CLVS1: variants seen among roughly 807,000 people sequenced by gnomAD.
CLVS1 encodes clavesin-1.
A neutral mutation model predicts 33.1 loss-of-function variants in CLVS1; 10 were observed. That is an observed-to-expected ratio of 0.30 (90% CI 0.19 to 0.51). The LOEUF is 0.51. CLVS1 is among the 20% of genes least tolerant of loss of function. CLVS1 has a pLI of 0.97. For synonymous variants in CLVS1, 163 were observed against 166.1 expected, an observed-to-expected ratio of 0.98 and a Z score of 0.14; for missense variants, 343 against 433.4, an observed-to-expected ratio of 0.79 and a Z score of 1.85.
chr8:61,408,520 G>T (rs181959779), intron 3 of CLVS1, among the ~76,000 whole-genome samples: 2 of 152,166 alleles, frequency 1.3e-5, no homozygotes, highest in Admixed American at 6.5e-5. Flanking sequence ...AACCCACCAG[G>T]CCAGGGGACT....
intron 2 of CLVS1, among the ~76,000 whole-genome samples, chr8:61,307,937 A>G (rs2931299): frequency 6.6e-6 from 1 of 152,210 alleles, no homozygotes; most frequent in Non-Finnish European, 1.5e-5. Flanking sequence ...GAGAACATGT[A>G]ATATTTGACT....
At chr8:61,198,081 T>C (rs1807653102) in intron 2 of CLVS1, among the ~76,000 whole-genome samples, 1 of 151,272 alleles carries the variant, frequency 6.6e-6, no homozygotes, top group African/African-American at 2.4e-5. Context: ...TGCTATTCTG[T>C]GTGCAGATAG....
upstream of CLVS1, among the ~76,000 whole-genome samples, chr8:61,052,829 C>T (rs1804408888): frequency 6.6e-6 from 1 of 152,162 alleles, no homozygotes; most frequent in African/African-American, 2.4e-5. Flanking sequence ...CTGACAGGTT[C>T]ATTCAGACCG....
chr8:61,173,859 G>A (rs1007355416), intron 2 of CLVS1, among the ~76,000 whole-genome samples: 1 of 152,206 alleles, frequency 6.6e-6, no homozygotes, highest in African/African-American at 2.4e-5. Context: ...TCTGGGGATA[G>A]AACCAACTGA....
chr8:61,210,524 G>A (rs1391734783), intron 2 of CLVS1, among the ~76,000 whole-genome samples: 1 of 152,238 alleles, frequency 6.6e-6, no homozygotes, highest in South Asian at 2.1e-4. Context: ...GGGCCACATG[G>A]CAGGGAACTG....
intron 3 of CLVS1, among the ~76,000 whole-genome samples, chr8:61,380,296 A>G (rs1813818083): frequency 6.6e-6 from 1 of 152,176 alleles, no homozygotes; most frequent in Admixed American, 6.5e-5. Flanking sequence ...AAAAAATGGC[A>G]TGTGCATGGA....
intron 2 of CLVS1, among the ~76,000 whole-genome samples, chr8:61,281,603 C>T (rs568459574): frequency 1.3e-5 from 2 of 152,262 alleles, no homozygotes; most frequent in Non-Finnish European, 2.9e-5. Context: ...TTGTTTAAGT[C>T]AACAAAGGTA....
chr8:61,082,304 C>A, intron 1 of CLVS1, among the ~76,000 whole-genome samples: 1 of 150,516 alleles, frequency 6.6e-6, no homozygotes, highest in East Asian at 1.9e-4. Flanking sequence ...AGTTGTAGGA[C>A]AATTACAAAA....
chr8:61,425,679 A>AT (rs559172972), intron 3 of CLVS1, among the ~76,000 whole-genome samples: 173 of 152,156 alleles, frequency 1.1e-3, no homozygotes, highest in African/African-American at 4.1e-3. Flanking sequence ...TTTGTTTAAT[A>AT]TTTTTTTGTA....
At chr8:61,063,309 G>A (rs1199523893) in intron 1 of CLVS1, among the ~76,000 whole-genome samples, 2 of 148,698 alleles carry the variant, frequency 1.3e-5, no homozygotes, top group Non-Finnish European at 3.0e-5. Flanking sequence ...GAGAGAGAGA[G>A]AACAGTCATT....
intron 2 of CLVS1, among the ~76,000 whole-genome samples, chr8:61,192,321 AT>A (rs917900398): frequency 1.1e-4 from 17 of 152,216 alleles, no homozygotes; most frequent in African/African-American, 4.1e-4. Flanking sequence ...CTGGCTAGAC[AT>A]ATGTAGAAAG....
chr8:61,350,881 C>G (rs575591656), intron 2 of CLVS1, among the ~76,000 whole-genome samples: 2 of 152,130 alleles, frequency 1.3e-5, no homozygotes, highest in Admixed American at 6.6e-5. Flanking sequence ...GATTATATAC[C>G]GCCACTCTGG....
intron 2 of CLVS1, among the ~76,000 whole-genome samples, chr8:61,198,680 C>T (rs752101694): frequency 6.6e-5 from 10 of 152,182 alleles, no homozygotes; most frequent in Non-Finnish European, 1.2e-4. Flanking sequence ...TATCTCATGC[C>T]GGGCCCCAAT....
At chr8:61,166,031 G>GTTTTT (rs71245557) in intron 2 of CLVS1, among the ~76,000 whole-genome samples, 1 of 108,374 alleles carries the variant, frequency 9.2e-6, no homozygotes, top group Non-Finnish European at 1.9e-5. Flanking sequence ...GCATCTAAGC[G>GTTTTT]TTTTTTTTTT....
intron 3 of CLVS1, among the ~76,000 whole-genome samples, chr8:61,408,092 T>C (rs1176354791): frequency 6.6e-6 from 1 of 152,056 alleles, no homozygotes; most frequent in East Asian, 1.9e-4. Flanking sequence ...GGAGGCAAGA[T>C]AGACAGGGCC....
intron 2 of CLVS1, among the ~76,000 whole-genome samples, chr8:61,282,379 A>T (rs1026163827): frequency 6.6e-6 from 1 of 152,188 alleles, no homozygotes; most frequent in African/African-American, 2.4e-5. Context: ...GAGATGCCAC[A>T]GTAGAACCTG....
chr8:61,425,915 A>T (rs1211231745), intron 3 of CLVS1, among the ~76,000 whole-genome samples: 2 of 152,206 alleles, frequency 1.3e-5, no homozygotes, highest in Non-Finnish European at 2.9e-5. Flanking sequence ...ATACAACACC[A>T]TTTTGCATGA....
At chr8:60,973,872 G>C in the CLVS1 span, among the ~76,000 whole-genome samples, 1 of 152,202 alleles carries the variant, frequency 6.6e-6, no homozygotes, top group Non-Finnish European at 1.5e-5. Flanking sequence ...TCTCCTGGGT[G>C]GGGGAGGTGG....
At chr8:61,096,362 A>G (rs1195401142) in intron 1 of CLVS1, among the ~76,000 whole-genome samples, 1 of 152,102 alleles carries the variant, frequency 6.6e-6, no homozygotes, top group East Asian at 1.9e-4. Flanking sequence ...TGGAACTCAT[A>G]TTTTACTGCT....
Sources: allele counts gnomAD v4.1 joint callset (sites outside exome capture counted in the v4.1 genomes callset), GRCh38; gene constraint gnomAD v4.1.1; transcripts MANE v1.5; gene names NCBI Gene and HGNC (gene_info 2026-07-23, HGNC 2026-07-21).